The following DIAPH3 variants were observed in gnomAD, a reference collection of about 807,000 sequenced individuals.
DIAPH3 encodes protein diaphanous homolog 3.
In DIAPH3, 117 loss-of-function variants were observed where a neutral mutation model predicts 144.3. The ratio of observed to expected loss-of-function variants is 0.81; its 90% CI spans 0.70 to 0.95. DIAPH3 has a LOEUF of 0.95. Among genes scored for constraint, DIAPH3 ranks in the 40% least tolerant of loss-of-function variants. DIAPH3 has a pLI of 0.00. For missense variants in DIAPH3, 1,421 were observed against 1,412.7 expected, an observed-to-expected ratio of 1.01 and a Z score of -0.09; for synonymous variants, 519 against 488.9, an observed-to-expected ratio of 1.06 and a Z score of -0.81.
chr13:59,692,159 T>G (rs1190534574), intron 27 of DIAPH3, among the ~76,000 whole-genome samples: 4 of 148,696 alleles, frequency 2.7e-5, no homozygotes, highest in Non-Finnish European at 6.0e-5. Context: ...TTTTTTTTTT[T>G]TTTTTAGAAA....
chr13:60,094,614 T>G (rs1384567838), intron 3 of DIAPH3, among the ~76,000 whole-genome samples: 1 of 152,130 alleles, frequency 6.6e-6, no homozygotes, highest in African/African-American at 2.4e-5. Flanking sequence ...GTATATAAAC[T>G]TCGTATCTAC....
chr13:60,003,607 T>G (rs1325146532), intron 9 of DIAPH3, among the ~76,000 whole-genome samples: 7 of 151,672 alleles, frequency 4.6e-5, no homozygotes, highest in African/African-American at 1.5e-4. Context: ...GGAGTCTTGC[T>G]CTGTCAGCCA....
chr13:60,078,648 G>C (rs2057452374), intron 4 of DIAPH3, among the ~76,000 whole-genome samples: 1 of 151,776 alleles, frequency 6.6e-6, no homozygotes, highest in African/African-American at 2.4e-5. Context: ...ATTAAAGAGA[G>C]ACCAAACTGA....
intron 7 of DIAPH3, among the ~76,000 whole-genome samples, chr13:60,014,946 A>C (rs1038092591): frequency 2.7e-5 from 4 of 150,326 alleles, no homozygotes; most frequent in African/African-American, 9.9e-5. Context: ...AAAGAGCTTA[A>C]GAATTCCTCT....
chr13:59,732,614 T>C (rs965975144), intron 27 of DIAPH3, among the ~76,000 whole-genome samples: 3 of 151,898 alleles, frequency 2.0e-5, no homozygotes, highest in Non-Finnish European at 4.4e-5. Flanking sequence ...GCTAGTTTTT[T>C]GTATTTTTAG....
intron 5 of DIAPH3, among the ~76,000 whole-genome samples, chr13:60,026,017 A>T (rs1405378245): frequency 6.6e-6 from 1 of 152,178 alleles, no homozygotes; most frequent in East Asian, 1.9e-4. Flanking sequence ...ATGGTATATA[A>T]GGCATTTTCT....
At chr13:59,754,680 A>T (rs1170029313) in intron 27 of DIAPH3, among the ~76,000 whole-genome samples, 1 of 152,218 alleles carries the variant, frequency 6.6e-6, no homozygotes, top group African/African-American at 2.4e-5. Context: ...GTTCCACATT[A>T]GCTTAATTAG....
chr13:59,839,470 G>A (rs1372967058), intron 22 of DIAPH3, 22 bp from the exon 23 acceptor site: 3 of 1,609,320 alleles, frequency 1.9e-6, no homozygotes, highest in African/African-American at 2.7e-5. Flanking sequence ...TATATTAAAT[G>A]CCCGGAAAGG....
intron 27 of DIAPH3, chr13:59,696,311 T>C (rs1322398358): frequency 6.6e-6 from 1 of 152,232 alleles, no homozygotes; most frequent in Non-Finnish European, 1.5e-5. Context: ...TGGATTTTAA[T>C]AGTACAATAT....
intron 27 of DIAPH3, among the ~76,000 whole-genome samples, chr13:59,764,382 C>T (rs769726804): frequency 2.0e-5 from 3 of 151,538 alleles, no homozygotes; most frequent in Admixed American, 1.3e-4. Flanking sequence ...GTTCTGTCAG[C>T]GGTTCCTGGC....
intron 27 of DIAPH3, among the ~76,000 whole-genome samples, chr13:59,726,299 GA>G (rs1433783493): frequency 2.0e-5 from 3 of 151,964 alleles, no homozygotes; most frequent in Non-Finnish European, 4.4e-5. Flanking sequence ...GTATTCTCTG[GA>G]ATGCACATAC....
At chr13:59,893,305 C>A (rs1017060331) in intron 20 of DIAPH3, among the ~76,000 whole-genome samples, 2 of 152,108 alleles carry the variant, frequency 1.3e-5, no homozygotes, top group Admixed American at 6.5e-5. Context: ...GCAACCCCTG[C>A]CGTACTTTCA....
intron 22 of DIAPH3, among the ~76,000 whole-genome samples, chr13:59,848,151 C>G (rs1411875006): frequency 6.6e-6 from 1 of 152,078 alleles, no homozygotes; most frequent in Non-Finnish European, 1.5e-5. Flanking sequence ...TTAACAGCAT[C>G]AGAGTGGTTT....
intron 4 of DIAPH3, among the ~76,000 whole-genome samples, chr13:60,077,796 G>A (rs944489238): frequency 6.6e-6 from 1 of 152,018 alleles, no homozygotes; most frequent in African/African-American, 2.4e-5. Flanking sequence ...ATGATGCTGG[G>A]TGCACGCACA....
intron 9 of DIAPH3, among the ~76,000 whole-genome samples, chr13:60,005,800 T>A (rs2052833930): frequency 6.6e-6 from 1 of 152,130 alleles, no homozygotes. Context: ...ACATTTTAAA[T>A]GGGTAAATTT....
At chr13:59,952,970 G>T (rs2140448848) in intron 17 of DIAPH3, among the ~76,000 whole-genome samples, 1 of 152,276 alleles carries the variant, frequency 6.6e-6, no homozygotes, top group East Asian at 1.9e-4. Flanking sequence ...TGGGAGTAGG[G>T]AGAGAATAAG....
chr13:59,681,300 G>A (rs893889450), intron 27 of DIAPH3, among the ~76,000 whole-genome samples: 54 of 152,190 alleles, frequency 3.5e-4, no homozygotes, highest in Admixed American at 1.2e-3. Context: ...GTAAGACTCC[G>A]TCTCTACAAA....
chr13:60,101,588 GTCT>G (rs2058270227), intron 3 of DIAPH3, among the ~76,000 whole-genome samples: 1 of 151,490 alleles, frequency 6.6e-6, no homozygotes, highest in Non-Finnish European at 1.5e-5. Flanking sequence ...TCCAAGACAA[GTCT>G]TCTTCCAATG....
intron 2 of DIAPH3, among the ~76,000 whole-genome samples, chr13:60,128,498 T>C (rs1434564076): frequency 6.6e-6 from 1 of 152,208 alleles, no homozygotes; most frequent in Non-Finnish European, 1.5e-5. Context: ...AAATTATAAA[T>C]GCACGGTTTA....
Sources: gnomAD v4.1 joint callset for allele counts (sites outside exome capture counted in the v4.1 genomes callset) on GRCh38, gnomAD v4.1.1 for gene constraint, MANE v1.5 for transcripts, NCBI Gene and HGNC (gene_info 2026-07-23, HGNC 2026-07-21) for gene names.